Variants in NLGN1 observed in about 807,000 individuals in gnomAD.
NLGN1 encodes the protein neuroligin-1.
In NLGN1, 12 loss-of-function variants were observed where a neutral mutation model predicts 65.5. The observed-to-expected ratio is 0.18, with a 90% CI of 0.12 to 0.30. NLGN1 has a LOEUF of 0.30. Ranked by LOEUF, NLGN1 falls within the 10% of genes least tolerant of loss-of-function variation. The pLI is 1.00. For missense variants in NLGN1, 750 were observed against 1,007.1 expected (o/e 0.74, Z 3.46); for synonymous variants, 350 against 359.5 (o/e 0.97, Z 0.30).
intron 4 of NLGN1, among the ~76,000 whole-genome samples, chr3:174,046,506 A>C (rs1733639002): frequency 6.6e-6 from 1 of 152,032 alleles, no homozygotes; most frequent in Non-Finnish European, 1.5e-5. Context: ...CCCCTCCCCC[A>C]GTGTGACATT....
intron 4 of NLGN1, among the ~76,000 whole-genome samples, chr3:174,250,778 GACCCAGAAT>G (rs1303994769): frequency 2.6e-5 from 4 of 152,030 alleles, no homozygotes; most frequent in African/African-American, 9.6e-5. Flanking sequence ...AAGCAGCTGT[GACCCAGAAT>G]ATATAGATAA....
intron 3 of NLGN1, among the ~76,000 whole-genome samples, chr3:173,716,883 G>A (rs1460246029): frequency 1.3e-5 from 2 of 150,924 alleles, no homozygotes; most frequent in East Asian, 1.9e-4. Context: ...ACTGAAACAC[G>A]TTGAATGCAC....
At chr3:174,283,611 C>T (rs1313242810) in exon 7 of NLGN1, 6 of 151,286 alleles carry the variant, frequency 4.0e-5, no homozygotes, top group Non-Finnish European at 8.9e-5. Flanking sequence ...ATTAAACTGA[C>T]ACTAAAAGAT....
At chr3:174,269,207 A>G (rs974107471) in intron 4 of NLGN1, among the ~76,000 whole-genome samples, 18 of 152,126 alleles carry the variant, frequency 1.2e-4, no homozygotes, top group African/African-American at 4.1e-4. Flanking sequence ...TATCATTATT[A>G]CCATTTTTAC....
intron 4 of NLGN1, among the ~76,000 whole-genome samples, chr3:173,923,106 A>C (rs1742358849): frequency 4.6e-5 from 7 of 152,180 alleles, no homozygotes; most frequent in Admixed American, 3.3e-4. Context: ...ACCTAATCTA[A>C]TAGTTTCGAA....
intron 4 of NLGN1, among the ~76,000 whole-genome samples, chr3:174,176,995 TAGG>T (rs1561223469): frequency 6.6e-6 from 1 of 152,050 alleles, no homozygotes; most frequent in Non-Finnish European, 1.5e-5. Context: ...CAGCGTAGCA[TAGG>T]AGATGTTTAT....
intron 4 of NLGN1, among the ~76,000 whole-genome samples, chr3:174,070,365 T>A (rs899213792): frequency 4.6e-5 from 7 of 151,270 alleles, no homozygotes; most frequent in Non-Finnish European, 1.0e-4. Flanking sequence ...GGAGTCTCGC[T>A]CTGTCACCCA....
intron 4 of NLGN1, among the ~76,000 whole-genome samples, chr3:173,848,377 G>A (rs1188833325): frequency 6.6e-6 from 1 of 152,190 alleles, no homozygotes; most frequent in Non-Finnish European, 1.5e-5. Context: ...AAAGAGAGCA[G>A]AGATATGATT....
chr3:173,680,845 A>G (rs1227718272), intron 3 of NLGN1, among the ~76,000 whole-genome samples: 1 of 152,196 alleles, frequency 6.6e-6, no homozygotes, highest in Non-Finnish European at 1.5e-5. Flanking sequence ...ACAAAGAACT[A>G]ATGCAAATGT....
chr3:173,918,702 G>A (rs796209633), intron 4 of NLGN1, among the ~76,000 whole-genome samples: 808 of 67,924 alleles, frequency 0.012, 8 homozygotes, highest in South Asian at 0.052. Flanking sequence ...GTGTGTGTGT[G>A]TATATATATA....
At chr3:173,936,315 A>G (rs1055419449) in intron 4 of NLGN1, among the ~76,000 whole-genome samples, 4 of 152,040 alleles carry the variant, frequency 2.6e-5, no homozygotes, top group Non-Finnish European at 5.9e-5. Context: ...ACACTTCTTC[A>G]TAAGTACCAT....
intron 4 of NLGN1, among the ~76,000 whole-genome samples, chr3:174,102,381 T>G (rs1712733120): frequency 6.6e-6 from 1 of 152,280 alleles, no homozygotes; most frequent in Middle Eastern, 3.4e-3. Flanking sequence ...TCTATTTGCT[T>G]TGACAAATTC....
At chr3:173,741,322 A>G (rs968061183) in intron 3 of NLGN1, among the ~76,000 whole-genome samples, 1 of 152,056 alleles carries the variant, frequency 6.6e-6, no homozygotes, top group African/African-American at 2.4e-5. Context: ...TCATAGAAAA[A>G]TTGATATTAT....
At chr3:173,777,809 G>A (rs1490804872) in intron 3 of NLGN1, among the ~76,000 whole-genome samples, 2 of 151,770 alleles carry the variant, frequency 1.3e-5, no homozygotes, top group Admixed American at 6.6e-5. Context: ...TTCAGGAAAT[G>A]ACTGCTTTTG....
At chr3:173,494,755 A>C (rs1729731241) in intron 2 of NLGN1, among the ~76,000 whole-genome samples, 1 of 151,676 alleles carries the variant, frequency 6.6e-6, no homozygotes, top group Non-Finnish European at 1.5e-5. Context: ...GAATGTTGTT[A>C]CTCTAGCACC....
chr3:174,202,369 C>A (rs1176044907), intron 4 of NLGN1, among the ~76,000 whole-genome samples: 1 of 151,978 alleles, frequency 6.6e-6, no homozygotes, highest in Non-Finnish European at 1.5e-5. Context: ...ATTTGGCACA[C>A]AATGGCCTTT....
At chr3:173,671,952 A>C (rs572073810) in intron 3 of NLGN1, among the ~76,000 whole-genome samples, 1 of 152,242 alleles carries the variant, frequency 6.6e-6, no homozygotes, top group African/African-American at 2.4e-5. Context: ...AGGTGGGTGG[A>C]TCACGAGGTC....
intron 2 of NLGN1, among the ~76,000 whole-genome samples, chr3:173,579,567 T>C (rs1288557393): frequency 2.6e-5 from 4 of 152,248 alleles, no homozygotes; most frequent in Non-Finnish European, 5.9e-5. Flanking sequence ...AATATAAAGA[T>C]ACATCTGGTA....
chr3:173,594,715 G>A (rs928830678), intron 2 of NLGN1, among the ~76,000 whole-genome samples: 7 of 152,278 alleles, frequency 4.6e-5, no homozygotes, highest in South Asian at 4.2e-4. Flanking sequence ...TGAGTGCCCC[G>A]CTGCTGCAGC....
Sources: allele counts gnomAD v4.1 joint callset (sites outside exome capture counted in the v4.1 genomes callset), GRCh38; gene constraint gnomAD v4.1.1; transcripts MANE v1.5; gene names NCBI Gene and HGNC (gene_info 2026-07-23, HGNC 2026-07-21).